CAMTA1: variants seen among roughly 807,000 people sequenced by gnomAD.
The protein encoded by CAMTA1 is calmodulin-binding transcription activator 1.
In CAMTA1, 27 loss-of-function variants were observed where a neutral mutation model predicts 170.9. That is an observed-to-expected ratio of 0.16 (90% confidence interval 0.12 to 0.22). The LOEUF (loss-of-function observed/expected upper bound fraction) is 0.22. Among genes scored for constraint, CAMTA1 ranks in the 10% least tolerant of loss-of-function variants. CAMTA1 has a pLI of 1.00. For missense variants in CAMTA1, 1,619 were observed against 2,217.2 expected (o/e 0.73, Z 5.42); for synonymous variants, 833 against 891.5 (o/e 0.93, Z 1.17).
chr1:6,907,182 A>G (rs1377001310), intron 3 of CAMTA1, among the ~76,000 whole-genome samples: 2 of 152,188 alleles, frequency 1.3e-5, no homozygotes, highest in African/African-American at 4.8e-5. Context: ...TTGAGTTGGT[A>G]AAACAGTAAG....
intron 6 of CAMTA1, among the ~76,000 whole-genome samples, chr1:7,577,604 G>A (rs1391612807): frequency 6.6e-6 from 1 of 151,302 alleles, no homozygotes; most frequent in African/African-American, 2.4e-5. Context: ...AACTGCAAAC[G>A]CTCCCGGTGG....
chr1:7,433,582 T>C (rs1485383683), intron 5 of CAMTA1, among the ~76,000 whole-genome samples: 2 of 152,114 alleles, frequency 1.3e-5, no homozygotes, highest in East Asian at 1.9e-4. Context: ...GACGAGCCAA[T>C]TGATGTACGT....
chr1:7,028,845 A>T (rs952041575), intron 3 of CAMTA1, among the ~76,000 whole-genome samples: 1 of 152,266 alleles, frequency 6.6e-6, no homozygotes. Context: ...GCAGAGAGAC[A>T]ATACGCAAAT....
At chr1:7,069,419 T>A (rs1188756667) in intron 3 of CAMTA1, among the ~76,000 whole-genome samples, 1 of 152,170 alleles carries the variant, frequency 6.6e-6, no homozygotes, top group African/African-American at 2.4e-5. Context: ...GGGATCACAG[T>A]GATCATATTT....
At chr1:7,392,935 C>T (rs937378903) in intron 5 of CAMTA1, among the ~76,000 whole-genome samples, 1 of 151,928 alleles carries the variant, frequency 6.6e-6, no homozygotes, top group Admixed American at 6.6e-5. Context: ...CACCTGTAGT[C>T]CCAGCTACTT....
chr1:7,557,971 C>T (rs1285807583), intron 6 of CAMTA1, among the ~76,000 whole-genome samples: 1 of 152,302 alleles, frequency 6.6e-6, no homozygotes, highest in African/African-American at 2.4e-5. Context: ...CTTTACCTCG[C>T]GGTGTGGTGT....
At chr1:6,945,136 C>T (rs1181508820) in intron 3 of CAMTA1, among the ~76,000 whole-genome samples, 2 of 152,062 alleles carry the variant, frequency 1.3e-5, no homozygotes, top group Non-Finnish European at 2.9e-5. Flanking sequence ...ATGATGGGTA[C>T]TCAAATACTT....
At chr1:7,271,324 C>T (rs1170365460) in intron 5 of CAMTA1, among the ~76,000 whole-genome samples, 1 of 152,138 alleles carries the variant, frequency 6.6e-6, no homozygotes, top group Non-Finnish European at 1.5e-5. Context: ...TTGCTGGCAT[C>T]TTGATCATGG....
At chr1:7,369,829 C>G (rs1333933418) in intron 5 of CAMTA1, among the ~76,000 whole-genome samples, 1 of 152,220 alleles carries the variant, frequency 6.6e-6, no homozygotes. Flanking sequence ...CAAAGACACT[C>G]TCACCTGATC....
At chr1:7,225,593 G>A (rs1276652897) in intron 4 of CAMTA1, among the ~76,000 whole-genome samples, 4 of 152,190 alleles carry the variant, frequency 2.6e-5, no homozygotes, top group South Asian at 2.1e-4. Flanking sequence ...CAAGAGTGGC[G>A]AGGCCGGCAC....
intron 3 of CAMTA1, among the ~76,000 whole-genome samples, chr1:6,911,457 A>G (rs1226647256): frequency 6.6e-6 from 1 of 152,208 alleles, no homozygotes; most frequent in East Asian, 1.9e-4. Context: ...AGAAACCAGA[A>G]AACAAAGGCC....
chr1:7,598,635 G>T (rs561411082), intron 6 of CAMTA1, among the ~76,000 whole-genome samples: 4,984 of 152,212 alleles, frequency 0.033, 113 homozygotes, highest in Non-Finnish European at 0.048. Flanking sequence ...ATTCTAACTG[G>T]TGTGAGATGG....
In CAMTA1 at chr1:7,371,956, G is replaced by A. The variant is rs576180219; in HGVS notation, c.439-95874G>A. On this transcript the variant is annotated intron_variant, in intron 5 of 22. Transcript: ENST00000303635. Reference sequence around the variant, plus strand: ...TCTCAGATCACACAACTGGCCAGTGGCTGAGATGGAGCAAAACTCCTGGAG... The same window carrying A: ...TCTCAGATCACACAACTGGCCAGTGACTGAGATGGAGCAAAACTCCTGGAG... Among the ~76,000 whole-genome samples the A allele has an allele frequency of 2.6e-5, 4 of 152,310 alleles. No homozygotes were observed. The East Asian group carries it at 7.7e-4, about 29-fold the overall frequency.
At chr1:7,485,918 C>T (rs919415405) in intron 6 of CAMTA1, among the ~76,000 whole-genome samples, 6 of 152,208 alleles carry the variant, frequency 3.9e-5, no homozygotes, top group East Asian at 1.9e-4. Flanking sequence ...CAGGCCACCC[C>T]GGCATGCACC....
intron 3 of CAMTA1, among the ~76,000 whole-genome samples, chr1:6,958,122 G>A (rs184040220): frequency 1.8e-4 from 28 of 152,304 alleles, no homozygotes; most frequent in Non-Finnish European, 3.8e-4. Context: ...GAGTCTCCCT[G>A]AATGAAAATG....
intron 5 of CAMTA1, among the ~76,000 whole-genome samples, chr1:7,330,725 A>C (rs2082975653): frequency 6.6e-6 from 1 of 152,218 alleles, no homozygotes; most frequent in Non-Finnish European, 1.5e-5. Flanking sequence ...CTGGCTGTTA[A>C]GTTATAAGAG....
intron 3 of CAMTA1, among the ~76,000 whole-genome samples, chr1:7,033,093 T>C (rs1405988427): frequency 6.6e-6 from 1 of 152,228 alleles, no homozygotes; most frequent in African/African-American, 2.4e-5. Context: ...TGTGGATTTA[T>C]AGTTTTATCA....
intron 3 of CAMTA1, among the ~76,000 whole-genome samples, chr1:6,904,519 C>G (rs933772765): frequency 6.6e-6 from 1 of 151,658 alleles, no homozygotes; most frequent in Non-Finnish European, 1.5e-5. Flanking sequence ...GGCTCTCCTC[C>G]CCTGAACTTT....
intron 11 of CAMTA1, chr1:7,693,762 A>T (rs1174313422): frequency 6.6e-6 from 1 of 152,210 alleles, no homozygotes. Flanking sequence ...CAACCAGGGC[A>T]GCTCACCATA....
Sources: allele counts gnomAD v4.1 joint callset (sites outside exome capture counted in the v4.1 genomes callset), GRCh38; gene constraint gnomAD v4.1.1; transcripts MANE v1.5; gene names NCBI Gene and HGNC (gene_info 2026-07-23, HGNC 2026-07-21).